MTMR4: variants seen among roughly 807,000 people sequenced by gnomAD.
MTMR4 encodes the protein phosphatidylinositol-3,5-bisphosphate 3-phosphatase MTMR4.
MTMR4 carries 30 observed loss-of-function variants against 125.5 expected under a neutral mutation model. That is an observed-to-expected ratio of 0.24 (90% CI 0.18 to 0.32). The LOEUF (loss-of-function observed/expected upper bound fraction) is 0.32, where lower values mean the gene tolerates loss of function less well. MTMR4 is among the 10% of genes least tolerant of loss of function. The pLI, the probability that MTMR4 is intolerant of heterozygous loss-of-function variation, is 1.00. For missense variants in MTMR4, 1,039 were observed against 1,511.5 expected (o/e 0.69, Z 5.18); for synonymous variants, 498 against 564.5 (o/e 0.88, Z 1.67).
chr17:58,494,212 C>T (rs931652808), intron 15 of MTMR4, among the ~76,000 whole-genome samples: 15 of 150,576 alleles, frequency 1.0e-4, no homozygotes, highest in African/African-American at 3.4e-4. Flanking sequence ...CCCAGCTACT[C>T]AGGAGGCTGA....
chr17:58,505,372 C>G (rs762097784), intron 10 of MTMR4, 100 bp downstream of exon 10: 8 of 1,039,292 alleles, frequency 7.7e-6, no homozygotes. Context: ...CCTCAGGTCT[C>G]CTGCTCTCCA....
intron 10 of MTMR4, 45 bp downstream of exon 10, chr17:58,505,427 G>C: frequency 6.8e-7 from 1 of 1,464,732 alleles, no homozygotes; most frequent in Non-Finnish European, 9.5e-7. Context: ...AAGAGGTACT[G>C]GGTAAGGAAT....
Position 58,496,250 on chromosome 17 carries a change from G to A in MTMR4, c.1934C>T (p.Pro645Leu). 1 of 1,614,110 alleles carries A rather than the reference G, an allele frequency of 6.2e-7. No individual in the cohort carries two copies. The change falls in exon 15 of 18, where the codon CCT becomes CTT. Residue 645 changes from proline to leucine, a missense_variant. Around this residue, in one of 6 missense-constraint regions of MTMR4, gnomAD observed 619 missense variants for 714.5 expected, o/e 0.87. Coordinates refer to ENST00000682306, the MANE Select transcript of MTMR4 (RefSeq NM_001378067.1). ...CTCCTGACAGTGGTTATTCAGGTTAGGGTCACTGGATGTACGAGTCAGGGG... is the reference window on the plus strand; with the variant it reads ...CTCCTGACAGTGGTTATTCAGGTTAAGGTCACTGGATGTACGAGTCAGGGG... ...SSPLTRTSSD[P>L]NLNNHCQEVR...
intron 4 of MTMR4, chr17:58,511,173 CT>C (rs1368782332): frequency 1.2e-5 from 4 of 340,890 alleles, no homozygotes; most frequent in South Asian, 7.4e-5. Context: ...GTCCTCGGTG[CT>C]TTCATACACA....
In MTMR4 at chr17:58,495,103, T is replaced by A. The variant is rs141669344; in HGVS notation, c.3081A>T (p.Gly1027=). The A allele has an allele frequency of 5.4e-3, 8,793 of 1,613,764 alleles. 38 individuals carry two copies. The highest frequency in any genetic ancestry group is 9.2e-3 in the African/African-American group (687 of 74,892). ...GGATCACATCCGTGGGAAAGGGGAG[T>A]CCATCATCATCCAAATACAGAGGAG... ...PVPPLYLDDD[G]LPFPTDVIQH... The change falls in exon 15 of 18, where the codon GGA becomes GGT. Residue 1027 remains glycine (G), a synonymous_variant. Coordinates refer to ENST00000682306, the MANE Select transcript of MTMR4 (RefSeq NM_001378067.1).
chr17:58,492,439 C>T (rs1288471627), intron 17 of MTMR4, 72 bp downstream of exon 17: 3 of 1,348,178 alleles, frequency 2.2e-6, no homozygotes, highest in East Asian at 2.3e-5. Flanking sequence ...AAGGTGTTGG[C>T]ATTACAGGTG....
Position 58,508,582 on chromosome 17 carries a change from C to A in MTMR4, c.497-18G>T, listed in dbSNP as rs766014599. 6.2e-7 allele frequency: 1 copy of A among 1,614,182 alleles called. No individual in the cohort carries two copies. Among genetic ancestry groups the A allele is most frequent in the Non-Finnish European group, 8.5e-7 (1 of 1,180,032 alleles). ...GTGCTCACCTGCAACAGAGCCCCCA[C>A]GATGGTTAGCTTCCCAGAGCACCAA... On this transcript the variant is annotated intron_variant, in intron 5 of 17. Transcript: ENST00000682306. The surrounding 1 kb of genome is among the most constrained non-coding windows in gnomAD (Gnocchi z 4.8).
Position 58,495,960 on chromosome 17 carries a change from T to G in MTMR4, c.2224A>C (p.Thr742Pro). Residue 742 changes from threonine to proline, a missense_variant, in exon 15 of 18, where the codon ACT becomes CCT. By Grantham distance (38) the Thr-to-Pro change is conservative. This residue lies in a region of MTMR4 where 619 missense variants were observed against 714.5 expected (regional missense o/e 0.87). Transcript: ENST00000682306. ...GAAGGGTCTGGAGCTGGTCCCTTAG[T>G]CTCTTCTAGGACTTTGATCTCAGGA... ...SDPEIKVLEETKGPAPDPSAQ... is the reference protein window; with the variant it reads ...SDPEIKVLEEPKGPAPDPSAQ... 2 of 1,614,164 alleles carry G rather than the reference T, an allele frequency of 1.2e-6. No individual in the cohort carries two copies. The highest frequency in any genetic ancestry group is 3.3e-4 in the Middle Eastern group (2 of 6,062).
In MTMR4 at chr17:58,495,851, A is replaced by G; in HGVS notation, c.2333T>C (p.Leu778Pro). 6.2e-7 allele frequency: 1 copy of G among 1,614,148 alleles called. No homozygotes were observed. Among genetic ancestry groups the G allele is most frequent in the African/African-American group, 1.3e-5 (1 of 75,048 alleles). ...HCPETEAVSA[L>P]SKVISNKCDG... is the part of the protein sequence containing the mutation. ...ACACTTGTTAGAAATGACCTTGGAGAGTGCACTGACAGCTTCTGTTTCAGG... is the reference window on the plus strand; with the variant it reads ...ACACTTGTTAGAAATGACCTTGGAGGGTGCACTGACAGCTTCTGTTTCAGG... Residue 778 changes from leucine (L) to proline (P), a missense_variant, in exon 15 of 18, where the codon CTC (leucine) becomes CCC (proline). Coordinates refer to ENST00000682306, the MANE Select transcript of MTMR4 (RefSeq NM_001378067.1).
chr17:58,494,903 T>C (rs961635475), intron 15 of MTMR4, 29 bp downstream of exon 15: 6 of 1,591,210 alleles, frequency 3.8e-6, no homozygotes, highest in South Asian at 3.4e-5. Context: ...GAGTAAATAA[T>C]GGGTGTATGG....
At position 58,495,420 on chromosome 17, in the gene MTMR4, C is replaced by G. The variant is rs201652098; in HGVS notation, c.2764G>C (p.Asp922His). 3 of 1,614,132 alleles carry G rather than the reference C, an allele frequency of 1.9e-6. No individual in the cohort carries two copies. Among genetic ancestry groups the G allele is most frequent in the Non-Finnish European group, 2.5e-6 (3 of 1,180,062 alleles). The change falls in exon 15 of 18, where the codon GAC becomes CAC. Residue 922 changes from aspartate to histidine, a missense_variant. Asp to His is a moderately conservative substitution (Grantham distance 81, BLOSUM62 -1). This residue lies in a region of MTMR4 where 619 missense variants were observed against 714.5 expected (regional missense o/e 0.87). Coordinates refer to ENST00000682306, the MANE Select transcript of MTMR4 (RefSeq NM_001378067.1). ...SEFSFLGSNW[D>H]SFQGMVTSFP... Reference sequence around the variant, plus strand: ...GAAGTCACCATCCCTTGGAAGCTGTCCCAGTTGGACCCTAGAAAAGAGAAC... The same window carrying G: ...GAAGTCACCATCCCTTGGAAGCTGTGCCAGTTGGACCCTAGAAAAGAGAAC...
chr17:58,495,346 A>G lies in MTMR4; in HGVS notation c.2838T>C (p.Cys946=). Residue 946 remains cysteine (C), a synonymous_variant, in exon 15 of 18, where the codon TGT becomes TGC. Coordinates refer to ENST00000682306, the MANE Select transcript of MTMR4 (RefSeq NM_001378067.1). ...GCTTACTGTTTGGCCTCTTGCTACA[A>G]CAGCCATAGGAAAGCAGCCGCCGAG... ...ATPRRLLSYG[C]CSKRPNSKQM... 1 of 1,614,156 alleles carries G rather than the reference A, an allele frequency of 6.2e-7. No individual in the cohort carries two copies. Among genetic ancestry groups the G allele is most frequent in the African/African-American group, 1.3e-5 (1 of 75,048 alleles).
Position 58,508,998 on chromosome 17 carries a change from A to G in MTMR4, c.336-157T>C. 1.5e-6 allele frequency: 1 copy of G among 676,238 alleles called. No individual in the cohort carries two copies. Among genetic ancestry groups the G allele is most frequent in the Non-Finnish European group, 2.5e-6 (1 of 405,462 alleles). The allele number at this position is 676,238 out of a possible 1,614,324, so 41.9% of individuals were successfully genotyped here. A position where few individuals can be genotyped will look rare whatever the true frequency, so the allele number is the denominator to read the frequency against. Reference sequence around the variant, plus strand: ...GACCCAGGGTGGGGGGACGAGGGACACTGGCCAACACCCAACAGAAGTTGT... The same window carrying G: ...GACCCAGGGTGGGGGGACGAGGGACGCTGGCCAACACCCAACAGAAGTTGT... On this transcript the variant is annotated intron_variant, in intron 4 of 17. Transcript: ENST00000682306. This position sits in a 1 kb window ranked among gnomAD's most constrained non-coding sequence, Gnocchi z 4.8.
Position 58,514,562 on chromosome 17 carries a change from C to G in MTMR4, c.-155G>C. On this transcript the variant is annotated 5_prime_UTR_variant, in exon 1 of 18. Transcript: ENST00000682306. ...CTGGTGGCCGGGCCTCCGCGCGGCT[C>G]CCGCGCGCCTCTCCCCTCCTCTCCA... is the stretch of plus-strand genomic sequence containing the variant. 3 of 985,164 alleles carry G rather than the reference C, an allele frequency of 3.0e-6. No homozygotes were observed. The highest frequency in any genetic ancestry group is 3.6e-6 in the Non-Finnish European group (3 of 829,866). The allele number at this position is 985,164 out of a possible 1,614,324, so 61.0% of individuals were successfully genotyped here. A position where few individuals can be genotyped will look rare whatever the true frequency, so the allele number is the denominator to read the frequency against.
chr17:58,515,478 T>C (rs1976062565), upstream of MTMR4, among the ~76,000 whole-genome samples: 1 of 152,242 alleles, frequency 6.6e-6, no homozygotes, highest in Non-Finnish European at 1.5e-5. Context: ...TGACATTTTA[T>C]TAAGCATCTA....
In MTMR4 at chr17:58,512,918, C is replaced by T. The variant is rs1265528833; in HGVS notation, c.69G>A (p.Leu23=). 1 of 1,610,608 alleles carries T rather than the reference C, an allele frequency of 6.2e-7. No homozygotes were observed. The highest frequency in any genetic ancestry group is 1.7e-5 in the Admixed American group (1 of 58,902). The part of the protein sequence containing the change: ...SCFGEEGPPS[L]EYIQAKDLFP... ...ACAGATCCTTGGCTTGGATGTACTCCAGGCTGGGGGGCCCCTCCTCACCCT... is the reference window on the plus strand; with the variant it reads ...ACAGATCCTTGGCTTGGATGTACTCTAGGCTGGGGGGCCCCTCCTCACCCT... The change falls in exon 2 of 18, where the codon CTG becomes CTA. Residue 23 remains leucine, a synonymous_variant. Transcript: ENST00000682306. This position sits in a 1 kb window ranked among gnomAD's most constrained non-coding sequence, Gnocchi z 4.1.
Position 58,508,760 on chromosome 17 carries a change from T to C in MTMR4, c.417A>G (p.Glu139=). 2 of 1,614,228 alleles carry C rather than the reference T, an allele frequency of 1.2e-6. No homozygotes were observed. The highest frequency in any genetic ancestry group is 1.7e-6 in the Non-Finnish European group (2 of 1,180,038). The change falls in exon 5 of 18, where the codon GAA becomes GAG. Residue 139 remains glutamate (E), a synonymous_variant. Coordinates refer to ENST00000682306, the MANE Select transcript of MTMR4 (RefSeq NM_001378067.1). This position sits in a 1 kb window ranked among gnomAD's most constrained non-coding sequence, Gnocchi z 4.8. ...CATGGTAGGCAAAGGCAAAGAGGTC[T>C]TCAGGCTTGGCAGGTCTTGCTGTGG... ...SRATARPAKP[E]DLFAFAYHAW...
chr17:58,517,311 C>A (rs575209274), upstream of MTMR4, among the ~76,000 whole-genome samples: 1 of 152,184 alleles, frequency 6.6e-6, no homozygotes, highest in Non-Finnish European at 1.5e-5. Context: ...AGGATAGGGC[C>A]TCCTAGGCTC....
In MTMR4 at chr17:58,495,389, G is replaced by A; in HGVS notation, c.2795C>T (p.Pro932Leu). ...DSFQGMVTSFPSGEATPRRLL... is the reference protein window; with the variant it reads ...DSFQGMVTSFLSGEATPRRLL... The stretch of plus-strand genomic sequence containing the variant: ...CCGCCGAGGGGTGGCCTCCCCACTT[G>A]GGAATGAAGTCACCATCCCTTGGAA... The change falls in exon 15 of 18, where the codon CCA becomes CTA. Residue 932 changes from proline to leucine, a missense_variant. Physicochemically the swap from Pro to Leu is moderately conservative, Grantham distance 98 (BLOSUM62 -3). Transcript: ENST00000682306. 1 of 1,614,234 alleles carries A rather than the reference G, an allele frequency of 6.2e-7. No homozygotes were observed. Among genetic ancestry groups the A allele is most frequent in the South Asian group, 1.1e-5 (1 of 91,080 alleles).
Sources: allele counts gnomAD v4.1 joint callset (sites outside exome capture counted in the v4.1 genomes callset), GRCh38; gene constraint gnomAD v4.1.1; regional missense constraint gnomAD v4.1.1; non-coding constraint Gnocchi (gnomAD v3.1); transcripts MANE v1.5; gene names NCBI Gene and HGNC (gene_info 2026-07-23, HGNC 2026-07-21).